XKR4: variants seen among roughly 807,000 people sequenced by gnomAD.
The protein encoded by XKR4 is XK-related protein 4.
A neutral mutation model predicts 53.9 loss-of-function variants in XKR4; 12 were observed. That is an observed-to-expected ratio of 0.22 (90% CI 0.14 to 0.36). XKR4 has a LOEUF of 0.36. Among genes scored for constraint, XKR4 ranks in the 10% least tolerant of loss-of-function variants. The pLI is 1.00. For synonymous variants in XKR4, 354 were observed against 362.4 expected, an observed-to-expected ratio of 0.98 and a Z score of 0.26; for missense variants, 799 against 859.5, an observed-to-expected ratio of 0.93 and a Z score of 0.88.
intron 2 of XKR4, chr8:55,452,534 C>G: frequency 1.5e-6 from 1 of 678,238 alleles, no homozygotes. Flanking sequence ...GGTGCAGCCT[C>G]AATAGCTTGG....
At chr8:55,464,289 G>A (rs1281468783) in intron 2 of XKR4, among the ~76,000 whole-genome samples, 1 of 152,036 alleles carries the variant, frequency 6.6e-6, no homozygotes, top group Non-Finnish European at 1.5e-5. Flanking sequence ...TGATCAAGTG[G>A]GCTTCATCCC....
chr8:55,145,505 A>C (rs1260140261), intron 1 of XKR4, among the ~76,000 whole-genome samples: 2 of 152,192 alleles, frequency 1.3e-5, no homozygotes, highest in Non-Finnish European at 2.9e-5. Flanking sequence ...CCTCCCAGAA[A>C]TATTTGGCAT....
At chr8:55,213,554 G>A (rs1167037877) in intron 1 of XKR4, among the ~76,000 whole-genome samples, 1 of 148,358 alleles carries the variant, frequency 6.7e-6, no homozygotes, top group Non-Finnish European at 1.5e-5. Flanking sequence ...AATTTCTAAT[G>A]TTGTGACTAA....
intron 1 of XKR4, among the ~76,000 whole-genome samples, chr8:55,116,264 A>T (rs1386739566): frequency 1.3e-5 from 2 of 152,148 alleles, no homozygotes; most frequent in African/African-American, 4.8e-5. Flanking sequence ...ACGGAGAAAG[A>T]ACTGAGATAG....
intron 1 of XKR4, among the ~76,000 whole-genome samples, chr8:55,357,414 C>T (rs1424577519): frequency 6.6e-6 from 1 of 152,152 alleles, no homozygotes; most frequent in Non-Finnish European, 1.5e-5. Context: ...GAATTTCCAC[C>T]ACATTCCACC....
At chr8:55,332,589 G>GT (rs1414599476) in intron 1 of XKR4, among the ~76,000 whole-genome samples, 3 of 152,060 alleles carry the variant, frequency 2.0e-5, no homozygotes, top group East Asian at 1.9e-4. Flanking sequence ...TTAGTTGACA[G>GT]TTTTTTCCCC....
intron 2 of XKR4, among the ~76,000 whole-genome samples, chr8:55,461,785 T>G (rs891704510): frequency 6.6e-6 from 1 of 152,288 alleles, no homozygotes; most frequent in East Asian, 1.9e-4. Flanking sequence ...TTCAAGGACC[T>G]GATGGAGCTG....
chr8:55,451,867 G>C, intron 2 of XKR4: 2 of 861,194 alleles, frequency 2.3e-6, no homozygotes, highest in East Asian at 5.1e-5. Context: ...GGCTGAGGAC[G>C]GGGTCAGTGT....
At chr8:55,204,002 GCTT>G (rs1817610394) in intron 1 of XKR4, among the ~76,000 whole-genome samples, 1 of 151,946 alleles carries the variant, frequency 6.6e-6, no homozygotes, top group Admixed American at 6.6e-5. Context: ...TGTTTGTTTT[GCTT>G]TTTGTTTTTT....
chr8:55,361,151 A>G (rs1214028338), intron 2 of XKR4, among the ~76,000 whole-genome samples: 2 of 152,218 alleles, frequency 1.3e-5, no homozygotes, highest in Non-Finnish European at 2.9e-5. Flanking sequence ...GCCCGACTGC[A>G]TGCACGGCTG....
At chr8:55,428,981 G>T (rs761199397) in intron 2 of XKR4, among the ~76,000 whole-genome samples, 1 of 152,142 alleles carries the variant, frequency 6.6e-6, no homozygotes, top group Non-Finnish European at 1.5e-5. Context: ...AATTCTGGAT[G>T]AAAAGAACAA....
At chr8:55,354,554 G>C (rs1395233412) in intron 1 of XKR4, among the ~76,000 whole-genome samples, 2 of 152,156 alleles carry the variant, frequency 1.3e-5, no homozygotes, top group South Asian at 2.1e-4. Flanking sequence ...GAGTGTGTTA[G>C]AGCTGTAAAA....
chr8:55,307,174 G>A (rs773250644), intron 1 of XKR4, among the ~76,000 whole-genome samples: 12 of 152,278 alleles, frequency 7.9e-5, no homozygotes, highest in Non-Finnish European at 1.3e-4. Flanking sequence ...TTTGCTCTGT[G>A]GAAGACTCTG....
rs572629311 is a variant in XKR4 at position 55,471,151 on chromosome 8, C to T, written c.1007-52130C>T. On this transcript the variant is annotated intron_variant, in intron 2 of 2. Coordinates refer to ENST00000327381, the MANE Select transcript of XKR4 (RefSeq NM_052898.2). ...GCAGCCACATTTAAAGTGTTCAGTA[C>T]CTACGTGTCTGGTGGCAGCTGTGTT... is the stretch of plus-strand genomic sequence containing the variant. Among the ~76,000 whole-genome samples the T allele has an allele frequency of 2.5e-4, 38 of 152,156 alleles. 1 individual carries two copies. Among genetic ancestry groups the T allele is most frequent in the Middle Eastern group, 3.4e-3 (1 of 294 alleles).
intron 1 of XKR4, among the ~76,000 whole-genome samples, chr8:55,227,968 G>A (rs1817979838): frequency 6.6e-6 from 1 of 152,180 alleles, no homozygotes; most frequent in Admixed American, 6.5e-5. Flanking sequence ...GGGCAGTGGT[G>A]TGATCTTGGC....
chr8:55,209,248 C>T (rs539561000), intron 1 of XKR4, among the ~76,000 whole-genome samples: 92 of 143,566 alleles, frequency 6.4e-4, no homozygotes, highest in African/African-American at 2.2e-3. Context: ...CTCACCTGCT[C>T]AGCCCCCACT....
intron 1 of XKR4, among the ~76,000 whole-genome samples, chr8:55,212,333 A>C (rs899133002): frequency 3.9e-5 from 6 of 152,220 alleles, no homozygotes; most frequent in Non-Finnish European, 7.3e-5. Context: ...CCCACAGGAG[A>C]TAGCTTTGCA....
At chr8:55,224,257 T>C (rs962569630) in intron 1 of XKR4, among the ~76,000 whole-genome samples, 1 of 152,184 alleles carries the variant, frequency 6.6e-6, no homozygotes, top group Admixed American at 6.5e-5. Context: ...TTAAAATTAG[T>C]TCCAATTAAT....
intron 2 of XKR4, chr8:55,454,500 C>A: frequency 2.4e-6 from 3 of 1,240,450 alleles, no homozygotes; most frequent in East Asian, 2.5e-5. Flanking sequence ...AAAGACAGTA[C>A]GTTGGTGATG....
Sources: gnomAD v4.1 joint callset for allele counts (sites outside exome capture counted in the v4.1 genomes callset) on GRCh38, gnomAD v4.1.1 for gene constraint, MANE v1.5 for transcripts, NCBI Gene and HGNC (gene_info 2026-07-23, HGNC 2026-07-21) for gene names.